RPF2: variants seen among roughly 807,000 people sequenced by gnomAD.
The protein encoded by RPF2 is brix domain containing 1.
RPF2 carries 21 observed loss-of-function variants against 38.9 expected under a neutral mutation model. The ratio of observed to expected loss-of-function variants is 0.54; its 90% confidence interval spans 0.38 to 0.78. The LOEUF (loss-of-function observed/expected upper bound fraction) is 0.78, where lower values mean the gene tolerates loss of function less well. Ranked by LOEUF, RPF2 falls within the 30% of genes least tolerant of loss-of-function variation. The pLI is 0.00. For missense variants in RPF2, 314 were observed against 358.1 expected (o/e 0.88, Z 0.99); for synonymous variants, 121 against 126.2 (o/e 0.96, Z 0.28).
intron 8 of RPF2, among the ~76,000 whole-genome samples, chr6:111,018,330 A>G (rs902778098): frequency 6.6e-6 from 1 of 152,170 alleles, no homozygotes; most frequent in Non-Finnish European, 1.5e-5. Flanking sequence ...CCTAAAGAAT[A>G]CACTGACTCC....
chr6:111,008,017 GC>G lies in RPF2; in HGVS notation c.394-20del, dbSNP rs751698614. ...TTTAGACTTTGGTAATTATATAATT[GC>G]TTTTTTTTTTTTTTTTTAGAACAGT... is the stretch of plus-strand genomic sequence containing the variant. On this transcript the variant is annotated intron_variant, in intron 6 of 9. Transcript: ENST00000441448. 25 of 1,213,526 alleles carry G rather than the reference GC, an allele frequency of 2.1e-5. No homozygotes were observed. The highest frequency in any genetic ancestry group is 2.7e-5 in the East Asian group (1 of 37,386). The allele number at this position is 1,213,526 out of a possible 1,614,324, so 75.2% of individuals were successfully genotyped here.
At chr6:111,003,088 C>G (rs1428838442) in intron 6 of RPF2, among the ~76,000 whole-genome samples, 3 of 143,350 alleles carry the variant, frequency 2.1e-5, no homozygotes, top group East Asian at 4.9e-4. Flanking sequence ...TACCCCCCCC[C>G]CTTTTTTTTT....
intron 8 of RPF2, among the ~76,000 whole-genome samples, chr6:111,023,879 T>C (rs1186422777): frequency 6.6e-6 from 1 of 151,868 alleles, no homozygotes; most frequent in Non-Finnish European, 1.5e-5. Context: ...TCCCAGCTAC[T>C]CGGGAGGCTG....
chr6:111,027,343 G>C lies in RPF2; in HGVS notation c.*1761G>C, dbSNP rs570132628. 6.6e-6 allele frequency: 1 copy of C among 152,140 alleles called. No homozygotes were observed. The highest frequency in any genetic ancestry group is 1.5e-5 in the Non-Finnish European group (1 of 68,020). 9.4% of individuals were successfully genotyped at this position (152,140 alleles called of 1,614,324 possible). On this transcript the variant is annotated 3_prime_UTR_variant, in exon 10 of 10. Coordinates refer to ENST00000441448, the MANE Select transcript of RPF2 (RefSeq NM_032194.3). ...CCAAAGACCATACAGTCTCGTACCT[G>C]AATCAGACATTTGCACTTTATATCT...
rs932345243 is a variant in RPF2, at chr6:111,020,907, C to T, written c.597-3276C>T. ...TAAGGCCGGGCACGGTGGCTCATCC[C>T]TGTAATCCCAGCAGCCCTTTGGGAG... On this transcript the variant is annotated intron_variant, in intron 8 of 9. Transcript: ENST00000441448. Among the ~76,000 whole-genome samples, 4 of 152,022 alleles carry T rather than the reference C, an allele frequency of 2.6e-5. No homozygotes were observed. In the East Asian group the frequency reaches 5.8e-4, roughly 22 times the overall value.
At chr6:111,001,648 C>T (rs969555794) in intron 6 of RPF2, among the ~76,000 whole-genome samples, 33 of 152,216 alleles carry the variant, frequency 2.2e-4, no homozygotes, top group African/African-American at 7.9e-4. Context: ...GCTGGGGTAC[C>T]CAGCTGTCAT....
intron 4 of RPF2, among the ~76,000 whole-genome samples, chr6:110,995,529 G>A (rs966072681): frequency 2.0e-5 from 3 of 152,042 alleles, no homozygotes; most frequent in African/African-American, 4.8e-5. Flanking sequence ...AGTCTTGTAA[G>A]GAGTAAAGAA....
chr6:110,997,305 C>G (rs922115933), intron 5 of RPF2, 41 bp downstream of exon 5: 2 of 1,223,248 alleles, frequency 1.6e-6, no homozygotes, highest in Non-Finnish European at 2.4e-6. Context: ...CTGATAGAGT[C>G]AATTTGTTAG....
intron 7 of RPF2, 95 bp downstream of exon 7, chr6:111,008,232 C>CT: frequency 7.7e-7 from 1 of 1,294,084 alleles, no homozygotes; most frequent in South Asian, 1.8e-5. Flanking sequence ...TTTGTAACTT[C>CT]TTTTTTCTCT....
intron 5 of RPF2, among the ~76,000 whole-genome samples, chr6:110,997,649 G>C (rs1771739811): frequency 6.6e-6 from 1 of 152,058 alleles, no homozygotes; most frequent in Admixed American, 6.6e-5. Flanking sequence ...CTGAGGCATG[G>C]AGGTAGCAGT....
intron 8 of RPF2, among the ~76,000 whole-genome samples, chr6:111,019,107 G>A (rs1772182698): frequency 6.6e-6 from 1 of 152,146 alleles, no homozygotes; most frequent in African/African-American, 2.4e-5. Flanking sequence ...CTACTTAGGA[G>A]GCTGAGGCAG....
chr6:111,008,756 G>A (rs1771960430), intron 7 of RPF2, among the ~76,000 whole-genome samples: 1 of 151,888 alleles, frequency 6.6e-6, no homozygotes, highest in Non-Finnish European at 1.5e-5. Flanking sequence ...TTTTCCATTA[G>A]AAAGGGTTTA....
At chr6:110,996,996 C>T (rs1771722895) in intron 4 of RPF2, among the ~76,000 whole-genome samples, 187 bp from the exon 5 acceptor site, 1 of 151,910 alleles carries the variant, frequency 6.6e-6, no homozygotes, top group African/African-American at 2.4e-5. Context: ...GAGATACGGT[C>T]TTACCTTGTT....
intron 1 of RPF2, among the ~76,000 whole-genome samples, chr6:110,984,748 G>T (rs1771494722): frequency 6.6e-6 from 1 of 152,038 alleles, no homozygotes. Context: ...GCTGAGGCAG[G>T]AGAATTGCTT....
At chr6:110,987,049 C>A (rs957679519) in intron 2 of RPF2, among the ~76,000 whole-genome samples, 2 of 151,490 alleles carry the variant, frequency 1.3e-5, no homozygotes, top group African/African-American at 4.8e-5. Context: ...TGAATTAAAT[C>A]AATTAAGTAA....
At chr6:111,015,679 T>C in intron 7 of RPF2, 75 bp from the exon 8 acceptor site, 6 of 1,009,520 alleles carry the variant, frequency 5.9e-6, no homozygotes, top group Non-Finnish European at 9.3e-6. Flanking sequence ...CAAAACTGTT[T>C]AGAGTGCAGT....
intron 5 of RPF2, among the ~76,000 whole-genome samples, chr6:110,999,348 A>G (rs140455869): frequency 0.013 from 2,023 of 152,302 alleles, 19 homozygotes; most frequent in Admixed American, 0.024. Flanking sequence ...ACCCACATAA[A>G]TTAATCCTTC....
At chr6:110,991,191 C>G (rs932080104) in intron 3 of RPF2, among the ~76,000 whole-genome samples, 1 of 152,002 alleles carries the variant, frequency 6.6e-6, no homozygotes, top group East Asian at 1.9e-4. Flanking sequence ...AATCATCTCT[C>G]GATTACTTAT....
At chr6:111,010,781 C>T (rs1244659512) in intron 7 of RPF2, among the ~76,000 whole-genome samples, 1 of 152,102 alleles carries the variant, frequency 6.6e-6, no homozygotes, top group Admixed American at 6.6e-5. Flanking sequence ...ACCAAAAAAA[C>T]TGTGACAAAT....
Sources: allele counts gnomAD v4.1 joint callset (sites outside exome capture counted in the v4.1 genomes callset), GRCh38; gene constraint gnomAD v4.1.1; transcripts MANE v1.5; gene names NCBI Gene and HGNC (gene_info 2026-07-23, HGNC 2026-07-21).